JMY: variants seen among roughly 807,000 people sequenced by gnomAD.
The protein encoded by JMY is junction-mediating and -regulatory protein.
A neutral mutation model predicts 103.3 loss-of-function variants in JMY; 46 were observed. That is an observed-to-expected ratio of 0.45 (90% CI 0.35 to 0.57). The LOEUF (loss-of-function observed/expected upper bound fraction) is 0.57. Ranked by LOEUF, JMY falls within the 20% of genes least tolerant of loss-of-function variation. The probability of loss-of-function intolerance (pLI) is 0.00; values close to 1 mark genes in which losing one functional copy is unlikely to be tolerated. For missense variants in JMY, 1,238 were observed against 1,255.2 expected (o/e 0.99, Z 0.21); for synonymous variants, 526 against 489.3 (o/e 1.07, Z -0.99).
At chr5:79,241,684 G>A (rs867319373) in intron 1 of JMY, among the ~76,000 whole-genome samples, 1 of 152,140 alleles carries the variant, frequency 6.6e-6, no homozygotes, top group South Asian at 2.1e-4. Context: ...TTCACAGTGC[G>A]TTTAAAAGTT....
At chr5:79,241,918 TTGTATTAG>T (rs1286118747) in intron 1 of JMY, among the ~76,000 whole-genome samples, 2 of 152,044 alleles carry the variant, frequency 1.3e-5, no homozygotes, top group Non-Finnish European at 2.9e-5. Flanking sequence ...GAGCTGAGGT[TTGTATTAG>T]TGTATGTGCG....
intron 1 of JMY, among the ~76,000 whole-genome samples, chr5:79,249,005 C>T (rs1480935648): frequency 6.6e-6 from 1 of 152,172 alleles, no homozygotes; most frequent in Non-Finnish European, 1.5e-5. Flanking sequence ...TCAACTTATC[C>T]TCCCGCCTTG....
chr5:79,281,353 A>ATTTTTTT (rs35881012), intron 2 of JMY, among the ~76,000 whole-genome samples: 1 of 116,748 alleles, frequency 8.6e-6, no homozygotes, highest in Non-Finnish European at 1.8e-5. Flanking sequence ...CAAGAAATTA[A>ATTTTTTT]TTTTTTTTTT....
At chr5:79,243,448 G>A (rs1744799720) in intron 1 of JMY, among the ~76,000 whole-genome samples, 1 of 152,106 alleles carries the variant, frequency 6.6e-6, no homozygotes, top group Admixed American at 6.6e-5. Flanking sequence ...TTATAGGGAA[G>A]GATATAATAT....
intron 10 of JMY, among the ~76,000 whole-genome samples, chr5:79,317,458 A>T (rs1036156633): frequency 6.6e-6 from 1 of 152,202 alleles, no homozygotes; most frequent in African/African-American, 2.4e-5. Context: ...GAAACATTAA[A>T]GATAACATGG....
In JMY at chr5:79,239,126, ATGTT is replaced by A. The variant is rs536174573; in HGVS notation, c.1032+1450_1032+1453del. ...TTTATTAGATTTGAGTATTTAAGAA[ATGTT>A]TGTTTCTCACTTATACCATAGTACT... On this transcript the variant is annotated intron_variant, in intron 1 of 10. Coordinates refer to ENST00000396137, the MANE Select transcript of JMY (RefSeq NM_152405.5). Among the ~76,000 whole-genome samples the A allele has an allele frequency of 2.3e-4, 35 of 152,298 alleles. No individual in the cohort carries two copies. The East Asian group carries it at 6.7e-3, about 29-fold the overall frequency.
At chr5:79,281,190 A>C (rs985035769) in intron 2 of JMY, among the ~76,000 whole-genome samples, 1 of 151,174 alleles carries the variant, frequency 6.6e-6, no homozygotes, top group Non-Finnish European at 1.5e-5. Flanking sequence ...GACTACAGGC[A>C]CCTGCCACCA....
Position 79,237,594 on chromosome 5 carries a change from A to G in JMY, c.944A>G (p.Asp315Gly). Residue 315 changes from aspartate (D) to glycine (G), a missense_variant, in exon 1 of 11, where the codon GAT becomes GGT. By Grantham distance (94) the Asp-to-Gly change is moderately conservative. Transcript: ENST00000396137. Reference sequence around the variant, plus strand: ...CAGGTGCTCTTCACCGAGACCGATGATCCCGAGGAGTATTACGAAAGCCTC... The same window carrying G: ...CAGGTGCTCTTCACCGAGACCGATGGTCCCGAGGAGTATTACGAAAGCCTC... ...LSQVLFTETD[D>G]PEEYYESLSE... 5.0e-6 allele frequency: 8 copies of G among 1,613,660 alleles called. No homozygotes were observed. The highest frequency in any genetic ancestry group is 6.8e-6 in the Non-Finnish European group (8 of 1,180,010).
At chr5:79,299,654 CAT>C (rs1364848389) in intron 4 of JMY, among the ~76,000 whole-genome samples, 1 of 152,192 alleles carries the variant, frequency 6.6e-6, no homozygotes, top group African/African-American at 2.4e-5. Context: ...GTTCCAGTCA[CAT>C]ATTCTCACCT....
intron 2 of JMY, chr5:79,284,407 C>T (rs1046986101): frequency 8.7e-5 from 123 of 1,411,034 alleles, no homozygotes; most frequent in Non-Finnish European, 1.2e-4. Flanking sequence ...CCTCTCGGGT[C>T]ATGATTTCCA....
intron 1 of JMY, among the ~76,000 whole-genome samples, chr5:79,239,147 C>G (rs959597068): frequency 6.6e-6 from 1 of 151,990 alleles, no homozygotes; most frequent in Non-Finnish European, 1.5e-5. Context: ...TCACTTATAC[C>G]ATAGTACTCT....
rs772331132 is a variant in JMY at position 79,236,844 on chromosome 5, G to T, written c.194G>T (p.Arg65Leu). 19 of 1,451,270 alleles carry T rather than the reference G, an allele frequency of 1.3e-5. No individual in the cohort carries two copies. The African/African-American group carries it at 2.8e-4, about 21-fold the overall frequency. 89.9% of individuals were successfully genotyped at this position (1,451,270 alleles called of 1,614,324 possible). A position where few individuals can be genotyped will look rare whatever the true frequency, so the allele number is the denominator to read the frequency against. ...GGCTCCCGGGAGCAAGCGGGGGCGCGAGGGGGCGCCGAGGCCGGCGGAGCT... is the reference window on the plus strand; with the variant it reads ...GGCTCCCGGGAGCAAGCGGGGGCGCTAGGGGGCGCCGAGGCCGGCGGAGCT... ...RSGSREQAGA[R>L]GGAEAGGAAS... The change falls in exon 1 of 11, where the codon CGA becomes CTA. Residue 65 changes from arginine to leucine, a missense_variant. Coordinates refer to ENST00000396137, the MANE Select transcript of JMY (RefSeq NM_152405.5).
At chr5:79,281,684 G>A (rs901879465) in intron 2 of JMY, among the ~76,000 whole-genome samples, 4 of 152,080 alleles carry the variant, frequency 2.6e-5, no homozygotes, top group African/African-American at 9.7e-5. Context: ...GCATAAAGGG[G>A]GATGGACTTA....
intron 2 of JMY, among the ~76,000 whole-genome samples, chr5:79,279,675 A>G (rs1746051656): frequency 6.6e-6 from 1 of 152,074 alleles, no homozygotes; most frequent in South Asian, 2.1e-4. Flanking sequence ...CAGTCACACG[A>G]CTTAGACATA....
rs1447098990 is a variant in JMY at position 79,236,570 on chromosome 5, G to A, written c.-81G>A. The A allele has an allele frequency of 3.4e-6, 4 of 1,163,430 alleles. No homozygotes were observed. Among genetic ancestry groups the A allele is most frequent in the African/African-American group, 3.2e-5 (2 of 61,872 alleles). The allele number at this position is 1,163,430 out of a possible 1,614,324, so 72.1% of individuals were successfully genotyped here. A position where few individuals can be genotyped will look rare whatever the true frequency, so the allele number is the denominator to read the frequency against. On this transcript the variant is annotated 5_prime_UTR_variant, in exon 1 of 11. Transcript: ENST00000396137. Reference sequence around the variant, plus strand: ...TGAAGGCGCCCGGCGAGGGTGAGCGGGGGGCGCGGCGCAGCCAGCGGGGAG... The same window carrying A: ...TGAAGGCGCCCGGCGAGGGTGAGCGAGGGGCGCGGCGCAGCCAGCGGGGAG...
In JMY at chr5:79,284,408, A is replaced by G. The variant is rs1345645455; in HGVS notation, c.1207-5713A>G. 4.9e-6 allele frequency: 7 copies of G among 1,421,456 alleles called. No homozygotes were observed. In the East Asian group the frequency reaches 1.1e-4, roughly 23 times the overall value. The allele number at this position is 1,421,456 out of a possible 1,614,324, so 88.1% of individuals were successfully genotyped here. On this transcript the variant is annotated intron_variant, in intron 2 of 10. Coordinates refer to ENST00000396137, the MANE Select transcript of JMY (RefSeq NM_152405.5). The stretch of plus-strand genomic sequence containing the variant: ...GGCATTTGTCTGCACCTCTCGGGTC[A>G]TGATTTCCATCATCTTCTTCCGGAT...
chr5:79,306,196 C>T (rs984644513), intron 6 of JMY, among the ~76,000 whole-genome samples, 179 bp from the exon 7 acceptor site: 2 of 152,084 alleles, frequency 1.3e-5, no homozygotes, highest in African/African-American at 2.4e-5. Context: ...GGAGTCTTTT[C>T]GTAAGATCCT....
chr5:79,243,546 C>T (rs1190484018), intron 1 of JMY, among the ~76,000 whole-genome samples: 1 of 152,150 alleles, frequency 6.6e-6, no homozygotes, highest in African/African-American at 2.4e-5. Flanking sequence ...ATGTTGAGGA[C>T]ATATGGGAGC....
chr5:79,278,216 T>C (rs1746003507), intron 2 of JMY, 133 bp downstream of exon 2: 1 of 759,504 alleles, frequency 1.3e-6, no homozygotes. Flanking sequence ...TTCTGCAAAG[T>C]TTCTTGTTTG....
Sources: allele counts gnomAD v4.1 joint callset (sites outside exome capture counted in the v4.1 genomes callset), GRCh38; gene constraint gnomAD v4.1.1; transcripts MANE v1.5; gene names NCBI Gene and HGNC (gene_info 2026-07-23, HGNC 2026-07-21).